Variants in KIRREL3 observed in about 807,000 individuals in gnomAD.
The protein encoded by KIRREL3 is kin of IRRE-like protein 3.
KIRREL3 carries 36 observed loss-of-function variants against 89.7 expected under a neutral mutation model. That is an observed-to-expected ratio of 0.40 (90% CI 0.31 to 0.53). The LOEUF is 0.53. Ranked by LOEUF, KIRREL3 falls within the 20% of genes least tolerant of loss-of-function variation. The pLI is 0.49. For missense variants in KIRREL3, 864 were observed against 1,056.6 expected (o/e 0.82, Z 2.53); for synonymous variants, 445 against 441.4 (o/e 1.01, Z -0.10).
At chr11:126,631,338 C>T (rs116598748) in intron 1 of KIRREL3, among the ~76,000 whole-genome samples, 2,310 of 152,244 alleles carry the variant, frequency 0.015, 68 homozygotes, top group African/African-American at 0.052. Context: ...TGGCAAATGT[C>T]GGAGCCAGAG....
chr11:126,804,310 C>A (rs1052564057), intron 1 of KIRREL3, among the ~76,000 whole-genome samples: 5 of 152,200 alleles, frequency 3.3e-5, no homozygotes, highest in African/African-American at 1.2e-4. Context: ...CTGAAGATGA[C>A]CTTTTCCTGG....
intron 1 of KIRREL3, among the ~76,000 whole-genome samples, chr11:126,855,374 C>T (rs979913552): frequency 7.9e-5 from 12 of 152,148 alleles, no homozygotes; most frequent in African/African-American, 2.7e-4. Context: ...CCATCTAAGA[C>T]GTGCCTACTT....
rs888972335 is a variant in KIRREL3, at chr11:126,496,237, T to G, written c.434-22771A>C. Reference sequence around the variant, plus strand: ...CTAGCCAGTCAACTTTCAAAGGTACTTTGTGCTCGGAACATTGAGAGGCAC... The same window carrying G: ...CTAGCCAGTCAACTTTCAAAGGTACGTTGTGCTCGGAACATTGAGAGGCAC... On this transcript the variant is annotated intron_variant, in intron 4 of 16. Transcript: ENST00000525144. This position sits in a 1 kb window ranked among gnomAD's most constrained non-coding sequence, Gnocchi z 4.9. Among the ~76,000 whole-genome samples the G allele has an allele frequency of 2.0e-5, 3 of 152,228 alleles. No individual in the cohort carries two copies. Among genetic ancestry groups the G allele is most frequent in the Non-Finnish European group, 2.9e-5 (2 of 68,044 alleles).
chr11:126,521,708 GTGTGTGTGTGTGTGTGTGTGTGTA>G lies in KIRREL3; in HGVS notation c.284-268_284-245del, dbSNP rs1958600869. Among the ~76,000 whole-genome samples the G allele has an allele frequency of 1.0e-5, 1 of 95,434 alleles. No individual in the cohort carries two copies. Among genetic ancestry groups the G allele is most frequent in the Admixed American group, 1.0e-4 (1 of 9,898 alleles). The allele number at this position is 95,434 out of a possible 152,430, so 62.6% of individuals were successfully genotyped here. On this transcript the variant is annotated intron_variant, in intron 3 of 16. Transcript: ENST00000525144. This position sits in a 1 kb window ranked among gnomAD's most constrained non-coding sequence, Gnocchi z 4.1. The stretch of plus-strand genomic sequence containing the variant: ...TGTGTGTGTGTGTGTGTGTGTGTGT[GTGTGTGTGTGTGTGTGTGTGTGTA>G]TAAGGGCATTTGGTCTGTTTGTTAG...
At position 126,768,086 on chromosome 11, in the gene KIRREL3, T is replaced by G. The variant is rs1949887714; in HGVS notation, c.56-205174A>C. Among the ~76,000 whole-genome samples, 2 of 152,154 alleles carry G rather than the reference T, an allele frequency of 1.3e-5. No individual in the cohort carries two copies. The highest frequency in any genetic ancestry group is 4.8e-5 in the African/African-American group (2 of 41,422). On this transcript the variant is annotated intron_variant, in intron 1 of 16. Transcript: ENST00000525144. The surrounding 1 kb of genome is among the most constrained non-coding windows in gnomAD (Gnocchi z 4.5). Reference sequence around the variant, plus strand: ...CCTCTTATCAGCCATTTCTGGCAACTGTCATTCATTATTTCATCCATCTGT... The same window carrying G: ...CCTCTTATCAGCCATTTCTGGCAACGGTCATTCATTATTTCATCCATCTGT...
rs572655797 is a variant in KIRREL3, at chr11:126,652,235, C to T, written c.56-89323G>A. On this transcript the variant is annotated intron_variant, in intron 1 of 16. Coordinates refer to ENST00000525144, the MANE Select transcript of KIRREL3 (RefSeq NM_032531.4). This position sits in a 1 kb window ranked among gnomAD's most constrained non-coding sequence, Gnocchi z 4.9. ...TGAGTTCCGGTGTCTGTTAACCCCC[C>T]ACCCCTTGTTCTTTGTGTGAAACCA... Among the ~76,000 whole-genome samples, 4 of 152,158 alleles carry T rather than the reference C, an allele frequency of 2.6e-5. 1 individual carries two copies. In the East Asian group the frequency reaches 7.7e-4, roughly 29 times the overall value.
chr11:126,589,292 A>G (rs979933887), intron 1 of KIRREL3, among the ~76,000 whole-genome samples: 1 of 152,222 alleles, frequency 6.6e-6, no homozygotes, highest in African/African-American at 2.4e-5. Flanking sequence ...GTCTGCGTGC[A>G]GGGGAACAGA....
rs147800018 is a variant in KIRREL3 at position 126,778,410 on chromosome 11, T to C, written c.56-215498A>G. Among the ~76,000 whole-genome samples, 266 of 152,342 alleles carry C rather than the reference T, an allele frequency of 1.7e-3. No individual in the cohort carries two copies. Among genetic ancestry groups the C allele is most frequent in the African/African-American group, 6.2e-3 (258 of 41,588 alleles). Reference sequence around the variant, plus strand: ...CAGTGGGAACATCTTTCTATGTCCATAAATACACTTCCACACCATAGCATT... The same window carrying C: ...CAGTGGGAACATCTTTCTATGTCCACAAATACACTTCCACACCATAGCATT... On this transcript the variant is annotated intron_variant, in intron 1 of 16. Transcript: ENST00000525144. This position sits in a 1 kb window ranked among gnomAD's most constrained non-coding sequence, Gnocchi z 4.5.
intron 1 of KIRREL3, among the ~76,000 whole-genome samples, chr11:126,938,834 T>C (rs1264064159): frequency 6.6e-6 from 1 of 152,150 alleles, no homozygotes; most frequent in Non-Finnish European, 1.5e-5. Context: ...CTCTACAGGA[T>C]ATGTGAGATC....
rs530837678 is a variant in KIRREL3, at chr11:126,876,814, C to T, written c.55+123641G>A. Reference sequence around the variant, plus strand: ...CCTCCCGAAGTGCTAGGATTACAGGCGTGAGCCACCGTGCCTGGCCATAAA... The same window carrying T: ...CCTCCCGAAGTGCTAGGATTACAGGTGTGAGCCACCGTGCCTGGCCATAAA... On this transcript the variant is annotated intron_variant, in intron 1 of 16. Coordinates refer to ENST00000525144, the MANE Select transcript of KIRREL3 (RefSeq NM_032531.4). This position sits in a 1 kb window ranked among gnomAD's most constrained non-coding sequence, Gnocchi z 4.1. Among the ~76,000 whole-genome samples the T allele has an allele frequency of 1.6e-4, 24 of 152,246 alleles. No individual in the cohort carries two copies. The South Asian group carries it at 2.7e-3, about 17-fold the overall frequency.
At chr11:126,884,319 T>C (rs1945619101) in intron 1 of KIRREL3, among the ~76,000 whole-genome samples, 1 of 152,210 alleles carries the variant, frequency 6.6e-6, no homozygotes, top group Non-Finnish European at 1.5e-5. Flanking sequence ...TTCTAGAGTG[T>C]GCCAATCGAT....
rs973835194 is a variant in KIRREL3, at chr11:126,739,548, T to C, written c.56-176636A>G. On this transcript the variant is annotated intron_variant, in intron 1 of 16. Transcript: ENST00000525144. This position sits in a 1 kb window ranked among gnomAD's most constrained non-coding sequence, Gnocchi z 5.5. The stretch of plus-strand genomic sequence containing the variant: ...ATGATGAGATCCAGGCAGCTGGTGC[T>C]GACAGTGGCCTGTTCATACTCTTCC... Among the ~76,000 whole-genome samples the C allele has an allele frequency of 6.6e-6, 1 of 152,230 alleles. No homozygotes were observed. The highest frequency in any genetic ancestry group is 2.4e-5 in the African/African-American group (1 of 41,456).
At chr11:126,854,697 T>C (rs959536152) in intron 1 of KIRREL3, among the ~76,000 whole-genome samples, 4 of 152,232 alleles carry the variant, frequency 2.6e-5, no homozygotes, top group Admixed American at 1.3e-4. Flanking sequence ...TGTACGAACA[T>C]CTGTTTCAAT....
In KIRREL3 at chr11:126,892,330, C is replaced by T. The variant is rs1945955821; in HGVS notation, c.55+108125G>A. Among the ~76,000 whole-genome samples the T allele has an allele frequency of 6.6e-6, 1 of 152,114 alleles. No homozygotes were observed. Among genetic ancestry groups the T allele is most frequent in the Admixed American group, 6.5e-5 (1 of 15,268 alleles). On this transcript the variant is annotated intron_variant, in intron 1 of 16. Coordinates refer to ENST00000525144, the MANE Select transcript of KIRREL3 (RefSeq NM_032531.4). This position sits in a 1 kb window ranked among gnomAD's most constrained non-coding sequence, Gnocchi z 5.4. ...AGGGGACCCCAGCCCTCCTCAGGACCCACCGTGGAAGCAGAACTCCCAACT... is the reference window on the plus strand; with the variant it reads ...AGGGGACCCCAGCCCTCCTCAGGACTCACCGTGGAAGCAGAACTCCCAACT...
rs1453408931 is a variant in KIRREL3 at position 126,904,931 on chromosome 11, T to C, written c.55+95524A>G. Among the ~76,000 whole-genome samples the C allele has an allele frequency of 1.4e-5, 2 of 139,594 alleles. No individual in the cohort carries two copies. Among genetic ancestry groups the C allele is most frequent in the East Asian group, 4.9e-4 (2 of 4,094 alleles). The allele number at this position is 139,594 out of a possible 152,430, so 91.6% of individuals were successfully genotyped here. A position where few individuals can be genotyped will look rare whatever the true frequency, so the allele number is the denominator to read the frequency against. ...TATATAATAAATAACTGACTATCCA[T>C]GATGGGGATGATGATGATGATGATG... On this transcript the variant is annotated intron_variant, in intron 1 of 16. Transcript: ENST00000525144. This position sits in a 1 kb window ranked among gnomAD's most constrained non-coding sequence, Gnocchi z 4.4.
chr11:126,438,939 C>T (rs1196470638), intron 11 of KIRREL3, among the ~76,000 whole-genome samples: 3 of 152,194 alleles, frequency 2.0e-5, no homozygotes, highest in Admixed American at 6.5e-5. Flanking sequence ...CACAACTGCC[C>T]TGCCCACTCC....
At chr11:126,673,491 T>C (rs903241037) in intron 1 of KIRREL3, among the ~76,000 whole-genome samples, 3 of 152,214 alleles carry the variant, frequency 2.0e-5, no homozygotes, top group Non-Finnish European at 2.9e-5. Flanking sequence ...ATGCTGATTT[T>C]CAGGACCCAA....
chr11:126,691,721 AT>A (rs1946884940), intron 1 of KIRREL3, among the ~76,000 whole-genome samples: 2 of 152,248 alleles, frequency 1.3e-5, no homozygotes, highest in African/African-American at 2.4e-5. Flanking sequence ...GAAAGGATGC[AT>A]TGAAGATTGA....
At chr11:126,825,060 T>A (rs1265590216) in intron 1 of KIRREL3, among the ~76,000 whole-genome samples, 1 of 152,214 alleles carries the variant, frequency 6.6e-6, no homozygotes, top group Non-Finnish European at 1.5e-5. Context: ...TTTGGCTTAG[T>A]GATTTGGGGG....
Sources: allele counts gnomAD v4.1 joint callset (sites outside exome capture counted in the v4.1 genomes callset), GRCh38; gene constraint gnomAD v4.1.1; non-coding constraint Gnocchi (gnomAD v3.1); transcripts MANE v1.5; gene names NCBI Gene and HGNC (gene_info 2026-07-23, HGNC 2026-07-21).